The following SULF1 variants were observed in gnomAD, a reference collection of about 807,000 sequenced individuals.
The protein encoded by SULF1 is extracellular sulfatase Sulf-1.
In SULF1, 46 loss-of-function variants were observed where a neutral mutation model predicts 110.5. That is an observed-to-expected ratio of 0.42 (90% CI 0.33 to 0.53). SULF1 has a LOEUF of 0.53. Ranked by LOEUF, SULF1 falls within the 20% of genes least tolerant of loss-of-function variation. SULF1 has a pLI of 0.12. For missense variants in SULF1, 941 were observed against 1,094.2 expected, an observed-to-expected ratio of 0.86 and a Z score of 1.98; for synonymous variants, 371 against 387.1, an observed-to-expected ratio of 0.96 and a Z score of 0.49.
intron 7 of SULF1, among the ~76,000 whole-genome samples, chr8:69,587,593 G>GA (rs903282319): frequency 3.3e-5 from 5 of 152,140 alleles, no homozygotes; most frequent in African/African-American, 1.2e-4. Flanking sequence ...GCAAAGATGA[G>GA]AAAAAAGCAT....
chr8:69,576,838 A>G (rs1805643358), intron 6 of SULF1, among the ~76,000 whole-genome samples: 1 of 152,248 alleles, frequency 6.6e-6, no homozygotes, highest in African/African-American at 2.4e-5. Context: ...GCTTGTTTTT[A>G]TTTTTCCAGA....
chr8:69,486,486 CT>C (rs139852071), intron 1 of SULF1, among the ~76,000 whole-genome samples: 4,037 of 151,458 alleles, frequency 0.027, 177 homozygotes, highest in African/African-American at 0.091. Flanking sequence ...CAATTTACAC[CT>C]TTTTTTTTCC....
intron 22 of SULF1, among the ~76,000 whole-genome samples, chr8:69,648,236 T>C (rs1812083991): frequency 6.6e-6 from 1 of 151,832 alleles, no homozygotes; most frequent in South Asian, 2.1e-4. Context: ...GCTCTTCCCA[T>C]TGTGAAGTTT....
At chr8:69,641,502 A>G (rs1355042602) in intron 22 of SULF1, among the ~76,000 whole-genome samples, 2 of 152,110 alleles carry the variant, frequency 1.3e-5, no homozygotes, top group African/African-American at 4.8e-5. Context: ...TCCTAGCACT[A>G]TGGGAGCCCA....
At chr8:69,651,663 A>G (rs1812355229) in intron 22 of SULF1, among the ~76,000 whole-genome samples, 1 of 152,136 alleles carries the variant, frequency 6.6e-6, no homozygotes, top group South Asian at 2.1e-4. Context: ...ATTGTGTATT[A>G]TATTAATAGA....
chr8:69,587,292 A>G (rs1345915589), intron 7 of SULF1, among the ~76,000 whole-genome samples: 1 of 152,178 alleles, frequency 6.6e-6, no homozygotes, highest in African/African-American at 2.4e-5. Context: ...ATTTATCTAG[A>G]AGAAGCCGAG....
chr8:69,540,789 G>A (rs1233531678), intron 3 of SULF1, among the ~76,000 whole-genome samples: 1 of 152,054 alleles, frequency 6.6e-6, no homozygotes, highest in African/African-American at 2.4e-5. Context: ...TCCACAAATG[G>A]AAGGCCGATG....
In SULF1 at chr8:69,659,001, TC is replaced by T. The variant is rs1812933393; in HGVS notation, c.*467del. 6.6e-6 allele frequency: 3 copies of T among 457,296 alleles called. No individual in the cohort carries two copies. Among genetic ancestry groups the T allele is most frequent in the Non-Finnish European group, 1.3e-5 (3 of 227,310 alleles). 28.3% of individuals were successfully genotyped at this position (457,296 alleles called of 1,614,324 possible). ...AATGGACGGGGCATGAAGAGACTAA[TC>T]ATCTGGAAACCGATTTCAGTGGCGA... On this transcript the variant is annotated 3_prime_UTR_variant, in exon 23 of 23. Transcript: ENST00000402687.
chr8:69,558,945 T>A (rs1815298327), intron 3 of SULF1, among the ~76,000 whole-genome samples: 1 of 152,176 alleles, frequency 6.6e-6, no homozygotes, highest in Admixed American at 6.5e-5. Flanking sequence ...AACTATACTT[T>A]CCAAACAAAA....
chr8:69,630,894 T>C (rs1353102646), intron 19 of SULF1, among the ~76,000 whole-genome samples: 1 of 152,148 alleles, frequency 6.6e-6, no homozygotes, highest in Non-Finnish European at 1.5e-5. Flanking sequence ...TGTATACATG[T>C]GCCATGCTGG....
intron 13 of SULF1, among the ~76,000 whole-genome samples, chr8:69,617,553 TC>T (rs1809280600): frequency 6.7e-6 from 1 of 150,182 alleles, no homozygotes; most frequent in Admixed American, 6.6e-5. Context: ...GTAGGTGTGA[TC>T]CACCACACCC....
At chr8:69,558,303 G>A (rs1349223567) in intron 3 of SULF1, among the ~76,000 whole-genome samples, 4 of 152,280 alleles carry the variant, frequency 2.6e-5, no homozygotes, top group South Asian at 4.1e-4. Flanking sequence ...TAATCTAAGC[G>A]TGTTCTGGCT....
At chr8:69,658,161 A>T (rs796814706) in intron 22 of SULF1, among the ~76,000 whole-genome samples, 5 of 152,318 alleles carry the variant, frequency 3.3e-5, no homozygotes, top group African/African-American at 1.2e-4. Context: ...AGGGAGCAAG[A>T]CTCAGAGGGA....
chr8:69,645,408 T>A (rs1811816790), intron 22 of SULF1, among the ~76,000 whole-genome samples: 1 of 152,096 alleles, frequency 6.6e-6, no homozygotes. Context: ...TCAGTTCCAA[T>A]ATATAGGGGG....
Position 69,603,656 on chromosome 8 carries a change from G to A in SULF1, c.1247G>A (p.Gly416Asp). The A allele has an allele frequency of 6.2e-7, 1 of 1,611,066 alleles. No individual in the cohort carries two copies. The highest frequency in any genetic ancestry group is 1.1e-5 in the South Asian group (1 of 90,990). Reference protein sequence around the residue: ...IWRDTFLVERGKFLRKKEESS... With the variant: ...IWRDTFLVERDKFLRKKEESS... ...CGTGATACATTCCTAGTGGAAAGAG[G>A]GTAATTATTGGTTCCTGGGGTGCTT... Residue 416 changes from glycine (G) to aspartate (D), a missense_variant and splice_region_variant, in exon 12 of 23, where the codon GGC (glycine) becomes GAC (aspartate). By Grantham distance (94) the Gly-to-Asp change is moderately conservative. Around this residue, in one of 3 missense-constraint regions of SULF1, gnomAD observed 822 missense variants for 934.3 expected, o/e 0.88. Transcript: ENST00000402687.
intron 19 of SULF1, 87 bp downstream of exon 19, chr8:69,629,766 G>T: frequency 8.3e-7 from 1 of 1,205,158 alleles, no homozygotes; most frequent in Non-Finnish European, 1.2e-6. Flanking sequence ...CATAAAATGA[G>T]GAATCTACAA....
chr8:69,509,486 G>T (rs1294611426), intron 3 of SULF1, among the ~76,000 whole-genome samples: 1 of 152,204 alleles, frequency 6.6e-6, no homozygotes, highest in Non-Finnish European at 1.5e-5. Context: ...TACTGTATTA[G>T]ATACTTGTTG....
intron 1 of SULF1, among the ~76,000 whole-genome samples, chr8:69,477,748 T>A (rs1809359810): frequency 6.6e-6 from 1 of 152,200 alleles, no homozygotes; most frequent in African/African-American, 2.4e-5. Context: ...GAGCATGCCA[T>A]CATCTCTTTG....
intron 22 of SULF1, among the ~76,000 whole-genome samples, chr8:69,652,124 G>T (rs574088709): frequency 5.9e-5 from 9 of 151,876 alleles, no homozygotes; most frequent in African/African-American, 2.2e-4. Context: ...CTGTTTTCTG[G>T]GGTCACATCT....
Sources: gnomAD v4.1 joint callset for allele counts (sites outside exome capture counted in the v4.1 genomes callset) on GRCh38, gnomAD v4.1.1 for gene constraint, gnomAD v4.1.1 regional missense constraint, MANE v1.5 for transcripts, NCBI Gene and HGNC (gene_info 2026-07-23, HGNC 2026-07-21) for gene names.